GMPPA: variants seen among roughly 807,000 people sequenced by gnomAD.
The protein encoded by GMPPA is GDP-mannose pyrophosphorylase A, also known as mannose-1-phosphate guanylyltransferase regulatory subunit alpha.
A neutral mutation model predicts 58.6 loss-of-function variants in GMPPA; 46 were observed. The ratio of observed to expected loss-of-function variants is 0.78; its 90% confidence interval spans 0.62 to 1.00. The LOEUF is 1.00. GMPPA is among the 50% of genes least tolerant of loss of function. GMPPA has a pLI of 0.00. For missense variants in GMPPA, 468 were observed against 556.4 expected, an observed-to-expected ratio of 0.84 and a Z score of 1.60; for synonymous variants, 211 against 214.9, an observed-to-expected ratio of 0.98 and a Z score of 0.16.
In GMPPA at chr2:219,504,658, C is replaced by A. The variant is rs887434370; in HGVS notation, c.620+445C>A. The A allele has an allele frequency of 3.4e-5, 7 of 204,938 alleles. No homozygotes were observed. The East Asian group carries it at 9.9e-4, about 29-fold the overall frequency. The allele number at this position is 204,938 out of a possible 1,614,324, so 12.7% of individuals were successfully genotyped here. On this transcript the variant is annotated intron_variant, in intron 7 of 12. Transcript: ENST00000313597. ...TTCCCTCCTGGGGCTAGAAGCTGTT[C>A]CCTTCTAGGGATCCTTGCCTTAACC...
Position 219,505,695 on chromosome 2 carries a change from G to C in GMPPA, c.854-20G>C. ...TTCGGTTTGGGATATTTGCCCCCAG[G>C]GCCTCTCTTCTGCTTCTAGGGAATG... On this transcript the variant is annotated intron_variant, in intron 9 of 12. Transcript: ENST00000313597. The C allele has an allele frequency of 6.2e-7, 1 of 1,613,034 alleles. No individual in the cohort carries two copies. Among genetic ancestry groups the C allele is most frequent in the Non-Finnish European group, 8.5e-7 (1 of 1,179,496 alleles).
chr2:219,505,525 A>G lies in GMPPA; in HGVS notation c.823A>G (p.Lys275Glu). 6.4e-7 allele frequency: 1 copy of G among 1,570,782 alleles called. No homozygotes were observed. The highest frequency in any genetic ancestry group is 8.6e-7 in the Non-Finnish European group (1 of 1,158,058). ...GGACACTCACCCAGAACGGCTGGCC[A>G]AGCACACCCCAGGGGGCCCATGGAT... ...YQDTHPERLA[K>E]HTPGGPWIRG... The change falls in exon 9 of 13, where the codon AAG becomes GAG. Residue 275 changes from lysine to glutamate, a missense_variant. Physicochemically the swap from Lys to Glu is moderately conservative, Grantham distance 56 (BLOSUM62 1). Transcript: ENST00000313597.
chr2:219,502,346 A>G lies in GMPPA; in HGVS notation c.430-36A>G, dbSNP rs188637221. 8,545 of 1,588,650 alleles carry G rather than the reference A, an allele frequency of 5.4e-3. 38 individuals carry two copies. The highest frequency in any genetic ancestry group is 7.3e-3 in the Middle Eastern group (44 of 6,014). ...AAAACAGACGTGGCTGCCCTGGAGC[A>G]GGCGGGTCACTGTCTCGGGTGTGTC... On this transcript the variant is annotated intron_variant, in intron 5 of 12. Transcript: ENST00000313597. This position sits in a 1 kb window ranked among gnomAD's most constrained non-coding sequence, Gnocchi z 4.0.
In GMPPA at chr2:219,502,261, C is replaced by T. The variant is rs1291708182; in HGVS notation, c.430-121C>T. The T allele has an allele frequency of 4.2e-6, 4 of 959,836 alleles. No individual in the cohort carries two copies. Among genetic ancestry groups the T allele is most frequent in the Non-Finnish European group, 6.6e-6 (4 of 608,722 alleles). 59.5% of individuals were successfully genotyped at this position (959,836 alleles called of 1,614,324 possible). Reference sequence around the variant, plus strand: ...GGGCAGCTGTCAGTTTCCACCCTTGCTGAAGGCCTGTCAGTGGCAGAGCTG... The same window carrying T: ...GGGCAGCTGTCAGTTTCCACCCTTGTTGAAGGCCTGTCAGTGGCAGAGCTG... On this transcript the variant is annotated intron_variant, in intron 5 of 12. Transcript: ENST00000313597. This position sits in a 1 kb window ranked among gnomAD's most constrained non-coding sequence, Gnocchi z 4.0.
At chr2:219,503,987 G>T in intron 6 of GMPPA, 96 bp from the exon 7 acceptor site, 1 of 1,396,588 alleles carries the variant, frequency 7.2e-7, no homozygotes, top group South Asian at 1.2e-5. Flanking sequence ...CCTGGCAGCA[G>T]GGAGGAGAGG....
rs763888219 is a variant in GMPPA, at chr2:219,502,515, T to A, written c.489+74T>A. ...CCCTCTACCTCAGGCCTCTAGAGAA[T>A]GCTGGCACAGTATGGGGTGGGCTCT... On this transcript the variant is annotated intron_variant, in intron 6 of 12. Transcript: ENST00000313597. This position sits in a 1 kb window ranked among gnomAD's most constrained non-coding sequence, Gnocchi z 4.0. 6.8e-6 allele frequency: 8 copies of A among 1,181,206 alleles called. No individual in the cohort carries two copies. Among genetic ancestry groups the A allele is most frequent in the Non-Finnish European group, 1.0e-5 (8 of 794,818 alleles). 73.2% of individuals were successfully genotyped at this position (1,181,206 alleles called of 1,614,324 possible).
rs763369705 is a variant in GMPPA, at chr2:219,502,445, A to T, written c.489+4A>T. 51 of 1,612,718 alleles carry T rather than the reference A, an allele frequency of 3.2e-5. 1 individual carries two copies. The South Asian group carries it at 5.4e-4, about 17-fold the overall frequency. Reference sequence around the variant, plus strand: ...TGAGAATCCACAGACACACGAGGTGAGAGCAGAGTGGGGGCTGGGTGGGTG... The same window carrying T: ...TGAGAATCCACAGACACACGAGGTGTGAGCAGAGTGGGGGCTGGGTGGGTG... On this transcript the variant is annotated splice_donor_region_variant and intron_variant, in intron 6 of 12. Coordinates refer to ENST00000313597, the MANE Select transcript of GMPPA (RefSeq NM_013335.4). This position sits in a 1 kb window ranked among gnomAD's most constrained non-coding sequence, Gnocchi z 4.0.
chr2:219,503,954 G>A (rs1376188369), intron 6 of GMPPA, 129 bp from the exon 7 acceptor site: 10 of 929,538 alleles, frequency 1.1e-5, no homozygotes, highest in South Asian at 8.2e-5. Flanking sequence ...ATGCGGATGC[G>A]CACTGCATTT....
chr2:219,504,959 G>T, intron 7 of GMPPA: 2 of 975,730 alleles, frequency 2.0e-6, no homozygotes, highest in Non-Finnish European at 2.8e-6. Context: ...TGTGAAAATG[G>T]GGGGAACTCC....
chr2:219,506,445 G>C, intron 12 of GMPPA, 23 bp downstream of exon 12: 1 of 1,602,866 alleles, frequency 6.2e-7, no homozygotes, highest in Non-Finnish European at 8.5e-7. Context: ...GGGGGCCAGG[G>C]CTGGGGGAAC....
rs139612850 is a variant in GMPPA, at chr2:219,505,488, G to A, written c.786G>A (p.Leu262=). 8.9e-6 allele frequency: 14 copies of A among 1,580,074 alleles called. No individual in the cohort carries two copies. Among genetic ancestry groups the A allele is most frequent in the Non-Finnish European group, 1.1e-5 (13 of 1,162,824 alleles). Residue 262 remains leucine, a synonymous_variant, in exon 9 of 13, where the codon CTG becomes CTA. Coordinates refer to ENST00000313597, the MANE Select transcript of GMPPA (RefSeq NM_013335.4). Reference sequence around the variant, plus strand: ...CCCTCTACGCCTCCCGCCTCTACCTGAGCCGATACCAGGACACTCACCCAG... The same window carrying A: ...CCCTCTACGCCTCCCGCCTCTACCTAAGCCGATACCAGGACACTCACCCAG... ...GSALYASRLY[L]SRYQDTHPER...
chr2:219,501,839 C>G lies in GMPPA; in HGVS notation c.243-12C>G. The G allele has an allele frequency of 1.2e-6, 2 of 1,612,694 alleles. No homozygotes were observed. The highest frequency in any genetic ancestry group is 1.7e-6 in the Non-Finnish European group (2 of 1,178,870). ...AGATCCACTGAGCTGGCTCTCGGGT[C>G]CCTGGGGACAGGTACCTGCAGGAAT... On this transcript the variant is annotated splice_polypyrimidine_tract_variant and intron_variant, in intron 4 of 12. Transcript: ENST00000313597.
Position 219,506,764 on chromosome 2 carries a change from T to C in GMPPA, c.1229T>C (p.Leu410Pro). The change falls in exon 13 of 13, where the codon CTG becomes CCG. Residue 410 changes from leucine to proline, a missense_variant. Transcript: ENST00000313597. ...TCGATTGTTCTGCCACACAAGGAGCTGAGCCGAAGCTTCACCAACCAGATC... is the reference window on the plus strand; with the variant it reads ...TCGATTGTTCTGCCACACAAGGAGCCGAGCCGAAGCTTCACCAACCAGATC... Reference protein sequence around the residue: ...LNSIVLPHKELSRSFTNQIIL With the variant: ...LNSIVLPHKEPSRSFTNQIIL The C allele has an allele frequency of 6.3e-7, 1 of 1,599,600 alleles. No homozygotes were observed. The highest frequency in any genetic ancestry group is 1.1e-5 in the South Asian group (1 of 90,798).
Position 219,506,682 on chromosome 2 carries a change from C to T in GMPPA, c.1163-16C>T. 6.8e-7 allele frequency: 1 copy of T among 1,474,316 alleles called. No homozygotes were observed. Among genetic ancestry groups the T allele is most frequent in the Non-Finnish European group, 9.5e-7 (1 of 1,053,564 alleles). The allele number at this position is 1,474,316 out of a possible 1,614,324, so 91.3% of individuals were successfully genotyped here. On this transcript the variant is annotated splice_polypyrimidine_tract_variant and intron_variant, in intron 12 of 12. Transcript: ENST00000313597. ...CCCTCCCATGACCTCCCCTGGTGCC[C>T]TCATCCATGCTGCAGGCTGCCGAGT... is the stretch of plus-strand genomic sequence containing the variant.
Position 219,506,832 on chromosome 2 carries a change from A to C in GMPPA, c.*34A>C, listed in dbSNP as rs1184068535. On this transcript the variant is annotated 3_prime_UTR_variant, in exon 13 of 13. Coordinates refer to ENST00000313597, the MANE Select transcript of GMPPA (RefSeq NM_013335.4). The stretch of plus-strand genomic sequence containing the variant: ...GCCAGAAGGCCCCCAGCTCCTACCC[A>C]CTCCCCTTGAGGCTGCTGCCTGCTT... 2 of 992,424 alleles carry C rather than the reference A, an allele frequency of 2.0e-6. No homozygotes were observed. Among genetic ancestry groups the C allele is most frequent in the Non-Finnish European group, 3.2e-6 (2 of 617,670 alleles). The allele number at this position is 992,424 out of a possible 1,614,324, so 61.5% of individuals were successfully genotyped here.
Position 219,505,488 on chromosome 2 carries a change from G to C in GMPPA, c.786G>C (p.Leu262=), listed in dbSNP as rs139612850. Residue 262 remains leucine, a synonymous_variant, in exon 9 of 13, where the codon CTG becomes CTC. Transcript: ENST00000313597. Reference sequence around the variant, plus strand: ...CCCTCTACGCCTCCCGCCTCTACCTGAGCCGATACCAGGACACTCACCCAG... The same window carrying C: ...CCCTCTACGCCTCCCGCCTCTACCTCAGCCGATACCAGGACACTCACCCAG... The part of the protein sequence containing the change: ...GSALYASRLY[L]SRYQDTHPER... 6.3e-7 allele frequency: 1 copy of C among 1,580,074 alleles called. No individual in the cohort carries two copies. Among genetic ancestry groups the C allele is most frequent in the Non-Finnish European group, 8.6e-7 (1 of 1,162,824 alleles).
chr2:219,505,820 C>A, intron 10 of GMPPA, 59 bp downstream of exon 10: 1 of 1,365,122 alleles, frequency 7.3e-7, no homozygotes. Flanking sequence ...ATGGAGGGTG[C>A]CCACGCTGCC....
chr2:219,499,897 G>A (rs1694327992), intron 1 of GMPPA, 59 bp from the exon 2 acceptor site: 1 of 1,356,862 alleles, frequency 7.4e-7, no homozygotes, highest in Admixed American at 1.7e-5. Context: ...TGCTATTTGG[G>A]TTTTGGGGCT....
At position 219,500,479 on chromosome 2, in the gene GMPPA, T is replaced by C. The variant is rs574524620; in HGVS notation, c.138+261T>C. 30 of 538,880 alleles carry C rather than the reference T, an allele frequency of 5.6e-5. No individual in the cohort carries two copies. In the East Asian group the frequency reaches 9.4e-4, roughly 17 times the overall value. The allele number at this position is 538,880 out of a possible 1,614,324, so 33.4% of individuals were successfully genotyped here. On this transcript the variant is annotated intron_variant, in intron 3 of 12. Coordinates refer to ENST00000313597, the MANE Select transcript of GMPPA (RefSeq NM_013335.4). ...TGGAATGTGAGATCAGGCAAGGATC[T>C]TGGAGACAATGTAAAGCCGTAGCAT...
Sources: gnomAD v4.1 joint callset for allele counts on GRCh38, gnomAD v4.1.1 for gene constraint, Gnocchi (gnomAD v3.1) non-coding constraint, MANE v1.5 for transcripts, NCBI Gene and HGNC (gene_info 2026-07-23, HGNC 2026-07-21) for gene names.